STRN: variants seen among roughly 807,000 people sequenced by gnomAD.
STRN encodes the protein striatin.
A neutral mutation model predicts 96.3 loss-of-function variants in STRN; 53 were observed. That is an observed-to-expected ratio of 0.55 (90% confidence interval 0.44 to 0.69). The LOEUF (loss-of-function observed/expected upper bound fraction) is 0.69, where lower values mean the gene tolerates loss of function less well. Ranked by LOEUF, STRN falls within the 30% of genes least tolerant of loss-of-function variation. STRN has a pLI of 0.00. For synonymous variants in STRN, 428 were observed against 355.9 expected (o/e 1.20, Z -2.28); for missense variants, 987 against 963.9 (o/e 1.02, Z -0.32).
chr2:36,843,319 T>C lies in STRN; in HGVS notation c.*6137A>G, dbSNP rs1324129459. Among the ~76,000 whole-genome samples the C allele has an allele frequency of 6.6e-6, 1 of 152,106 alleles. No individual in the cohort carries two copies. On this transcript the variant is annotated 3_prime_UTR_variant, in exon 18 of 18. Coordinates refer to ENST00000263918, the MANE Select transcript of STRN (RefSeq NM_003162.4). ...TGATTGGAACAAAAAGACTGTGAGT[T>C]CTGGGCAGGCCAAAGGCCTTGAAAA...
chr2:36,925,829 A>G (rs965987050), intron 1 of STRN, among the ~76,000 whole-genome samples: 3 of 152,182 alleles, frequency 2.0e-5, no homozygotes, highest in African/African-American at 7.2e-5. Context: ...TGTACAGTAC[A>G]GTTTGCTAAA....
intron 2 of STRN, among the ~76,000 whole-genome samples, chr2:36,919,492 C>A (rs1203774399): frequency 2.0e-5 from 3 of 150,800 alleles, no homozygotes; most frequent in Non-Finnish European, 3.0e-5. Context: ...AAAAAAAAAA[C>A]ACACACAGTG....
intron 7 of STRN, among the ~76,000 whole-genome samples, chr2:36,893,164 C>A (rs1223161590): frequency 2.0e-5 from 3 of 152,156 alleles, no homozygotes; most frequent in African/African-American, 7.2e-5. Flanking sequence ...GATCCTGCTG[C>A]TGCAACTCAG....
chr2:36,850,951 G>GTTTT, intron 16 of STRN, 49 bp downstream of exon 16: 1 of 751,036 alleles, frequency 1.3e-6, no homozygotes, highest in Non-Finnish European at 2.0e-6. Flanking sequence ...TTGTGGTAGG[G>GTTTT]ATTTTTTTTT....
intron 6 of STRN, among the ~76,000 whole-genome samples, chr2:36,897,162 C>T (rs1486764410): frequency 6.7e-6 from 1 of 150,272 alleles, no homozygotes; most frequent in African/African-American, 2.4e-5. Context: ...AGTGAAACTC[C>T]GTCTCAAAAA....
intron 5 of STRN, among the ~76,000 whole-genome samples, chr2:36,900,840 C>G (rs1381727323): frequency 6.6e-6 from 1 of 152,030 alleles, no homozygotes; most frequent in Non-Finnish European, 1.5e-5. Context: ...TTGCAGTAAG[C>G]TGAGATCGTG....
At chr2:36,897,443 A>C in intron 6 of STRN, among the ~76,000 whole-genome samples, 1 of 149,742 alleles carries the variant, frequency 6.7e-6, no homozygotes, top group South Asian at 2.1e-4. Flanking sequence ...AAATATATAT[A>C]TATTTTTTTT....
chr2:36,867,156 C>G (rs1668649287), intron 12 of STRN, among the ~76,000 whole-genome samples: 1 of 152,072 alleles, frequency 6.6e-6, no homozygotes, highest in African/African-American at 2.4e-5. Flanking sequence ...TCTGTGGTGG[C>G]TGGTAATATT....
At chr2:36,891,952 C>A (rs1291297140) in intron 7 of STRN, among the ~76,000 whole-genome samples, 1 of 151,896 alleles carries the variant, frequency 6.6e-6, no homozygotes. Context: ...ATTTTTCCTT[C>A]AGAGAAGAAA....
At chr2:36,947,429 T>A (rs1664607462) in intron 1 of STRN, among the ~76,000 whole-genome samples, 1 of 151,718 alleles carries the variant, frequency 6.6e-6, no homozygotes, top group African/African-American at 2.4e-5. Flanking sequence ...GTAAAAATAT[T>A]CAAGATAAAT....
intron 1 of STRN, among the ~76,000 whole-genome samples, chr2:36,965,833 C>T (rs1665143557): frequency 1.3e-5 from 2 of 152,190 alleles, no homozygotes; most frequent in Non-Finnish European, 2.9e-5. Flanking sequence ...CGGAGACTGT[C>T]TCTAGACCTA....
At chr2:36,905,748 T>A in intron 3 of STRN, 130 bp from the exon 4 acceptor site, 2 of 697,092 alleles carry the variant, frequency 2.9e-6, no homozygotes, top group Non-Finnish European at 2.4e-6. Context: ...AGGTATGTGT[T>A]AGGATAATGT....
chr2:36,901,458 AG>A (rs1268593290), intron 5 of STRN, among the ~76,000 whole-genome samples: 1 of 151,706 alleles, frequency 6.6e-6, no homozygotes, highest in Non-Finnish European at 1.5e-5. Context: ...AGGCTGAGGC[AG>A]GAGAATGGCG....
At chr2:36,898,291 C>T (rs892542486) in intron 6 of STRN, among the ~76,000 whole-genome samples, 1 of 152,148 alleles carries the variant, frequency 6.6e-6, no homozygotes, top group Non-Finnish European at 1.5e-5. Flanking sequence ...GATCAGGACA[C>T]AGAAAAAGTG....
At chr2:36,856,589 G>A (rs1229942360) in intron 14 of STRN, among the ~76,000 whole-genome samples, 2 of 152,258 alleles carry the variant, frequency 1.3e-5, no homozygotes, top group Middle Eastern at 6.8e-3. Context: ...ACTAATCTAT[G>A]ATGAAAGAAA....
At position 36,889,637 on chromosome 2, in the gene STRN, T is replaced by C. The variant is rs1381717032; in HGVS notation, c.932-2811A>G. Reference sequence around the variant, plus strand: ...TTTTTTTGGGGGGGGTGGGGGGGAGTAGAGTAGAAGACAGATGGAGAGAAC... The same window carrying C: ...TTTTTTTGGGGGGGGTGGGGGGGAGCAGAGTAGAAGACAGATGGAGAGAAC... On this transcript the variant is annotated intron_variant, in intron 7 of 17. Transcript: ENST00000263918. 5.0e-5 allele frequency among the ~76,000 whole-genome samples: 7 copies of C among 140,292 alleles called. No homozygotes were observed. The East Asian group carries it at 9.2e-4, about 18-fold the overall frequency. 92.0% of individuals were successfully genotyped at this position (140,292 alleles called of 152,430 possible). A position where few individuals can be genotyped will look rare whatever the true frequency, so the allele number is the denominator to read the frequency against.
chr2:36,966,409 C>T lies in STRN; in HGVS notation c.55G>A (p.Gly19Ser). Residue 19 changes from glycine to serine, a missense_variant, in exon 1 of 18, where the codon GGC (glycine) becomes AGC (serine). Coordinates refer to ENST00000263918, the MANE Select transcript of STRN (RefSeq NM_003162.4). Reference sequence around the variant, plus strand: ...AGAGGCCCGAGCCCCTTGGCACCGCCGGCGCCCGGGTGGTTGTTGCTGAAG... The same window carrying T: ...AGAGGCCCGAGCCCCTTGGCACCGCTGGCGCCCGGGTGGTTGTTGCTGAAG... ...VFFSNNHPGA[G>S]GAKGLGPLAE... 6.9e-7 allele frequency: 1 copy of T among 1,458,546 alleles called. No homozygotes were observed. Among genetic ancestry groups the T allele is most frequent in the Non-Finnish European group, 9.0e-7 (1 of 1,106,390 alleles). The allele number at this position is 1,458,546 out of a possible 1,614,324, so 90.4% of individuals were successfully genotyped here. A position where few individuals can be genotyped will look rare whatever the true frequency, so the allele number is the denominator to read the frequency against.
In STRN at chr2:36,869,584, C is replaced by A; in HGVS notation, c.1469G>T (p.Trp490Leu). ...GGCTGGGGCTGTTTTCTGTAAATTC[C>A]ACATTTTTAATGTGTGATCCTCTGA... ...TASEDHTLKM[W>L]NLQKTAPAKK... Residue 490 changes from tryptophan (W) to leucine (L), a missense_variant, in exon 11 of 18, where the codon TGG (tryptophan) becomes TTG (leucine). Physicochemically the swap from Trp to Leu is moderately conservative, Grantham distance 61. Coordinates refer to ENST00000263918, the MANE Select transcript of STRN (RefSeq NM_003162.4). 1 of 1,582,108 alleles carries A rather than the reference C, an allele frequency of 6.3e-7. No individual in the cohort carries two copies. Among genetic ancestry groups the A allele is most frequent in the African/African-American group, 1.4e-5 (1 of 73,834 alleles).
intron 15 of STRN, 45 bp downstream of exon 15, chr2:36,855,167 A>T: frequency 6.3e-7 from 1 of 1,592,582 alleles, no homozygotes. Context: ...AATTTTGATT[A>T]AGTTAAAAAA....
Sources: gnomAD v4.1 joint callset for allele counts (sites outside exome capture counted in the v4.1 genomes callset) on GRCh38, gnomAD v4.1.1 for gene constraint, MANE v1.5 for transcripts, NCBI Gene and HGNC (gene_info 2026-07-23, HGNC 2026-07-21) for gene names.